The following NVL variants were observed in gnomAD, a reference collection of about 807,000 sequenced individuals.
NVL encodes the protein nuclear VCP like, also known as nuclear valosin-containing protein-like.
NVL carries 84 observed loss-of-function variants against 110.2 expected under a neutral mutation model. That is an observed-to-expected ratio of 0.76 (90% CI 0.64 to 0.91). The LOEUF (loss-of-function observed/expected upper bound fraction) is 0.91, where lower values mean the gene tolerates loss of function less well. Ranked by LOEUF, NVL falls within the 40% of genes least tolerant of loss-of-function variation. NVL has a pLI of 0.00. For missense variants in NVL, 882 were observed against 1,035.9 expected, an observed-to-expected ratio of 0.85 and a Z score of 2.04; for synonymous variants, 354 against 361.1, an observed-to-expected ratio of 0.98 and a Z score of 0.22.
At chr1:224,312,644 AC>A (rs1669632592) in intron 4 of NVL, 1 of 151,766 alleles carries the variant, frequency 6.6e-6, no homozygotes, top group Admixed American at 6.6e-5. Context: ...ACATGGTGAA[AC>A]CCCGTCTCTA....
At chr1:224,263,424 T>A (rs544720726) in intron 18 of NVL, among the ~76,000 whole-genome samples, 2 of 152,332 alleles carry the variant, frequency 1.3e-5, no homozygotes, top group East Asian at 3.9e-4. Flanking sequence ...TATGGACTTG[T>A]AAAGAAAATG....
At chr1:224,316,656 CT>C (rs1263474216) in intron 4 of NVL, among the ~76,000 whole-genome samples, 1 of 90,240 alleles carries the variant, frequency 1.1e-5, no homozygotes, top group African/African-American at 4.2e-5. Context: ...GAGTAAAACC[CT>C]GTCTCAAAAA....
At chr1:224,320,325 C>A (rs945869985) in intron 2 of NVL, among the ~76,000 whole-genome samples, 4 of 152,140 alleles carry the variant, frequency 2.6e-5, no homozygotes, top group African/African-American at 9.7e-5. Context: ...TATGGGTGTT[C>A]TTTGTACTAT....
At chr1:224,281,286 T>TGTGC in intron 15 of NVL, 101 bp from the exon 16 acceptor site, 5 of 620,470 alleles carry the variant, frequency 8.1e-6, no homozygotes, top group African/African-American at 3.5e-5. Flanking sequence ...TCTGTGTGCG[T>TGTGC]GTGTGTGTGT....
At chr1:224,281,490 T>C (rs1413321289) in intron 15 of NVL, among the ~76,000 whole-genome samples, 3 of 151,340 alleles carry the variant, frequency 2.0e-5, no homozygotes, top group Admixed American at 6.6e-5. Context: ...TTAGTGGAGA[T>C]GGGGTTTCAC....
rs532245397 is a variant in NVL, at chr1:224,280,167, CTGTTTTTTTT to C, written c.1962+946_1962+955del. Among the ~76,000 whole-genome samples, 724 of 142,822 alleles carry C rather than the reference CTGTTTTTTTT, an allele frequency of 5.1e-3. 4 individuals are homozygous for C. Among genetic ancestry groups the C allele is most frequent in the Non-Finnish European group, 7.9e-3 (528 of 66,532 alleles). 93.7% of individuals were successfully genotyped at this position (142,822 alleles called of 152,430 possible). ...TTTGCAAGAAGCTTTAAGTGTACTGCTGTTTTTTTTTGTTTTTTTTTTTTTTGCTGGGTGA... is the reference window on the plus strand; with the variant it reads ...TTTGCAAGAAGCTTTAAGTGTACTGCTGTTTTTTTTTTTTTTGCTGGGTGA... On this transcript the variant is annotated intron_variant, in intron 16 of 22. Coordinates refer to ENST00000281701, the MANE Select transcript of NVL (RefSeq NM_002533.4).
At position 224,275,389 on chromosome 1, in the gene NVL, T is replaced by C; in HGVS notation, c.2032A>G (p.Ile678Val). The C allele has an allele frequency of 1.2e-6, 2 of 1,614,114 alleles. No homozygotes were observed. The highest frequency in any genetic ancestry group is 1.3e-5 in the African/African-American group (1 of 75,044). ...AAAGCATCCACTTCATCAAAGAATA[T>C]CACACAGGGTGCTGAGTTCTTGGCT... ...QRAKNSAPCV[I>V]FFDEVDALCP... The change falls in exon 17 of 23, where the codon ATA (isoleucine) becomes GTA (valine). Residue 678 changes from isoleucine (I) to valine (V), a missense_variant. Ile to Val is a conservative substitution (Grantham distance 29, BLOSUM62 3). This residue lies in a region of NVL where 66 missense variants were observed against 127.5 expected (regional missense o/e 0.52). Transcript: ENST00000281701.
Position 224,294,537 on chromosome 1 carries a change from C to G in NVL, c.1181-126G>C. On this transcript the variant is annotated intron_variant, in intron 11 of 22. Coordinates refer to ENST00000281701, the MANE Select transcript of NVL (RefSeq NM_002533.4). ...TTTGACAGCAACATACATATAAAAC[C>G]AACATTTATTAAATGTCAAATATGT... is the stretch of plus-strand genomic sequence containing the variant. The G allele has an allele frequency of 6.9e-6, 6 of 866,550 alleles. No homozygotes were observed. In the South Asian group the frequency reaches 1.0e-4, roughly 14 times the overall value. The allele number at this position is 866,550 out of a possible 1,614,324, so 53.7% of individuals were successfully genotyped here.
chr1:224,253,708 T>G, intron 18 of NVL, among the ~76,000 whole-genome samples: 2 of 132,896 alleles, frequency 1.5e-5, no homozygotes, highest in Admixed American at 9.5e-5. Flanking sequence ...ACTCCAGCCT[T>G]GGGACAGAGC....
At chr1:224,301,221 C>T (rs140726296) in intron 9 of NVL, among the ~76,000 whole-genome samples, 236 of 152,136 alleles carry the variant, frequency 1.6e-3, no homozygotes, top group African/African-American at 5.4e-3. Context: ...AATAAAGGGT[C>T]TTGACTTTCA....
chr1:224,236,629 T>C (rs1441771003), intron 19 of NVL, 47 bp from the exon 20 acceptor site: 3 of 1,493,158 alleles, frequency 2.0e-6, no homozygotes, highest in Non-Finnish European at 9.3e-7. Context: ...TTAAAGACCA[T>C]GCCGGGTGCG....
chr1:224,327,411 C>T (rs889383487), intron 1 of NVL, among the ~76,000 whole-genome samples: 1 of 151,794 alleles, frequency 6.6e-6, no homozygotes, highest in Non-Finnish European at 1.5e-5. Flanking sequence ...CCACTGCACT[C>T]CAGCCTGGGT....
intron 2 of NVL, among the ~76,000 whole-genome samples, chr1:224,326,062 T>A (rs1410250317): frequency 2.0e-5 from 3 of 152,222 alleles, no homozygotes; most frequent in East Asian, 3.8e-4. Flanking sequence ...GTGTTGAGAT[T>A]ACAGGCATGA....
intron 13 of NVL, among the ~76,000 whole-genome samples, chr1:224,288,486 GAGA>G (rs564194653): frequency 5.3e-4 from 81 of 152,056 alleles, no homozygotes; most frequent in Non-Finnish European, 9.3e-4. Context: ...TTGCTTTGTG[GAGA>G]AGATGAAAGG....
At chr1:224,268,706 T>C (rs567031579) in intron 17 of NVL, among the ~76,000 whole-genome samples, 175 of 152,224 alleles carry the variant, frequency 1.1e-3, no homozygotes, top group African/African-American at 4.1e-3. Flanking sequence ...TTGCCCAGAA[T>C]GGAGTACAAT....
intron 9 of NVL, chr1:224,303,054 T>G (rs1427749308): frequency 5.5e-6 from 1 of 183,058 alleles, no homozygotes; most frequent in East Asian, 1.9e-4. Flanking sequence ...CTCAAAAAAA[T>G]AAGTAAACTG....
At chr1:224,313,594 G>A (rs1669771217) in intron 4 of NVL, among the ~76,000 whole-genome samples, 1 of 151,954 alleles carries the variant, frequency 6.6e-6, no homozygotes, top group African/African-American at 2.4e-5. Context: ...CAACTAATAA[G>A]GAAAATGCAA....
intron 20 of NVL, among the ~76,000 whole-genome samples, chr1:224,235,303 G>A (rs537899138): frequency 1.4e-3 from 207 of 152,180 alleles, no homozygotes; most frequent in African/African-American, 4.8e-3. Flanking sequence ...TAGTAGCTGC[G>A]ATTACAGGTG....
At chr1:224,243,632 C>T (rs929800687) in intron 19 of NVL, among the ~76,000 whole-genome samples, 31 of 149,160 alleles carry the variant, frequency 2.1e-4, no homozygotes, top group Admixed American at 1.3e-4. Context: ...TAAATGTTAG[C>T]TATTATTATA....
Sources: allele counts gnomAD v4.1 joint callset (sites outside exome capture counted in the v4.1 genomes callset), GRCh38; gene constraint gnomAD v4.1.1; regional missense constraint gnomAD v4.1.1; transcripts MANE v1.5; gene names NCBI Gene and HGNC (gene_info 2026-07-23, HGNC 2026-07-21).